FRMD3: variants seen among roughly 807,000 people sequenced by gnomAD.
FRMD3 encodes the protein FERM domain containing 3, also known as FERM domain-containing protein 3.
FRMD3 carries 33 observed loss-of-function variants against 70.2 expected under a neutral mutation model. That is an observed-to-expected ratio of 0.47 (90% CI 0.36 to 0.63). FRMD3 has a LOEUF of 0.63. FRMD3 is among the 20% of genes least tolerant of loss of function. The pLI is 0.00. For missense variants in FRMD3, 632 were observed against 711.4 expected (o/e 0.89, Z 1.27); for synonymous variants, 279 against 255.9 (o/e 1.09, Z -0.86).
At chr9:83,555,876 G>A in the FRMD3 span, among the ~76,000 whole-genome samples, 3 of 152,180 alleles carry the variant, frequency 2.0e-5, no homozygotes, top group Non-Finnish European at 4.4e-5. Context: ...TAACCCAAGG[G>A]TTGCAAAGAT....
chr9:83,286,317 T>A (rs913892481), intron 13 of FRMD3, among the ~76,000 whole-genome samples: 1 of 139,504 alleles, frequency 7.2e-6, no homozygotes, highest in Non-Finnish European at 1.5e-5. Context: ...TTTTAAAAAA[T>A]TTTTAATTAG....
rs148173218 is a variant in FRMD3, at chr9:83,438,827, C to A, written c.148-49119G>T. Among the ~76,000 whole-genome samples the A allele has an allele frequency of 1.6e-3, 239 of 152,310 alleles. 1 individual carries two copies. The highest frequency in any genetic ancestry group is 5.5e-3 in the African/African-American group (229 of 41,580). ...TCTTCCCTGCTGTGTGTGTTCTGTG[C>A]GTCCTACAGCTGAGAGGGCCATGAG... is the stretch of plus-strand genomic sequence containing the variant. On this transcript the variant is annotated intron_variant, in intron 1 of 13. Transcript: ENST00000304195.
At chr9:83,479,412 GAAGGATGA>G (rs1828479426) in intron 1 of FRMD3, among the ~76,000 whole-genome samples, 1 of 87,426 alleles carries the variant, frequency 1.1e-5, no homozygotes, top group Non-Finnish European at 2.3e-5. Flanking sequence ...GGGAGGGAGG[GAAGGATGA>G]AAGGAGGGAA....
chr9:83,272,948 C>A (rs1333039436), intron 13 of FRMD3, among the ~76,000 whole-genome samples: 1 of 150,504 alleles, frequency 6.6e-6, no homozygotes, highest in Non-Finnish European at 1.5e-5. Flanking sequence ...GCCCGGCAGC[C>A]GCCCCGTCTG....
chr9:83,354,071 C>A (rs563332191), intron 3 of FRMD3, among the ~76,000 whole-genome samples: 1 of 152,044 alleles, frequency 6.6e-6, no homozygotes, highest in Admixed American at 6.6e-5. Flanking sequence ...AATACAGGTA[C>A]CCACCACAAT....
chr9:83,260,621 C>G (rs1230932360), intron 13 of FRMD3, among the ~76,000 whole-genome samples: 1 of 152,138 alleles, frequency 6.6e-6, no homozygotes, highest in Non-Finnish European at 1.5e-5. Flanking sequence ...TAAGTAAGCT[C>G]TCCTGTGATG....
Position 83,389,676 on chromosome 9 carries a change from G to A in FRMD3, c.180C>T (p.His60=), listed in dbSNP as rs768436061. The part of the protein sequence containing the change: ...RETKGQFLID[H]ICNYYSLLEK... Reference sequence around the variant, plus strand: ...CCAGCAGGCTGTAGTAGTTGCAGATGTGGTCAATGAGAAACTGCCCTTTGG... The same window carrying A: ...CCAGCAGGCTGTAGTAGTTGCAGATATGGTCAATGAGAAACTGCCCTTTGG... The change falls in exon 2 of 14, where the codon CAC becomes CAT. Residue 60 remains histidine, a synonymous_variant. Transcript: ENST00000304195. 1.4e-5 allele frequency: 22 copies of A among 1,613,946 alleles called. No individual in the cohort carries two copies. Among genetic ancestry groups the A allele is most frequent in the Non-Finnish European group, 1.9e-5 (22 of 1,179,842 alleles).
chr9:83,515,145 A>G (rs902402744), intron 1 of FRMD3, among the ~76,000 whole-genome samples: 35 of 152,226 alleles, frequency 2.3e-4, no homozygotes, highest in African/African-American at 8.4e-4. Flanking sequence ...TAGGCTTCAG[A>G]AGGTGGTGAG....
Position 83,332,054 on chromosome 9 carries a change from A to G in FRMD3, c.596+3462T>C, listed in dbSNP as rs557428765. ...GTGACAATGGTGGGCGGAGCCCCCC[A>G]GCTGGCCTCTGGTGGGCACAGAGCA... On this transcript the variant is annotated intron_variant, in intron 6 of 13. Transcript: ENST00000304195. 6 of 619,636 alleles carry G rather than the reference A, an allele frequency of 9.7e-6. No individual in the cohort carries two copies. The South Asian group carries it at 1.2e-4, about 12-fold the overall frequency. 38.4% of individuals were successfully genotyped at this position (619,636 alleles called of 1,614,324 possible).
At chr9:83,318,121 C>A (rs1290223293) in intron 6 of FRMD3, among the ~76,000 whole-genome samples, 1 of 152,104 alleles carries the variant, frequency 6.6e-6, no homozygotes, top group Non-Finnish European at 1.5e-5. Flanking sequence ...TTTTTAATGT[C>A]TATTTTCTAT....
At chr9:83,529,473 G>T (rs923860103) in intron 1 of FRMD3, among the ~76,000 whole-genome samples, 3 of 152,096 alleles carry the variant, frequency 2.0e-5, no homozygotes, top group Non-Finnish European at 2.9e-5. Flanking sequence ...TTAAAATGAT[G>T]AATTTTATGG....
chr9:83,527,083 G>T (rs1829701088), intron 1 of FRMD3, among the ~76,000 whole-genome samples: 1 of 151,996 alleles, frequency 6.6e-6, no homozygotes, highest in Admixed American at 6.6e-5. Flanking sequence ...GGGCTTCCAG[G>T]CACTGCTGGC....
chr9:83,386,801 A>G (rs908705939), intron 2 of FRMD3, among the ~76,000 whole-genome samples: 1 of 152,224 alleles, frequency 6.6e-6, no homozygotes, highest in Non-Finnish European at 1.5e-5. Context: ...CTGTGAATCC[A>G]GTCTGTCCTT....
Position 83,326,844 on chromosome 9 carries a change from T to G in FRMD3, c.596+8672A>C, listed in dbSNP as rs186634381. On this transcript the variant is annotated intron_variant, in intron 6 of 13. Transcript: ENST00000304195. The stretch of plus-strand genomic sequence containing the variant: ...CAAAGAGCTAACAATTCTCCAAAGA[T>G]AGGCTTTTCTAATATATTAGATGAG... 7.7e-4 allele frequency among the ~76,000 whole-genome samples: 118 copies of G among 152,336 alleles called. 1 individual carries two copies. The highest frequency in any genetic ancestry group is 2.6e-3 in the African/African-American group (108 of 41,572).
chr9:83,300,062 C>G (rs181131565), intron 10 of FRMD3, among the ~76,000 whole-genome samples: 4 of 152,366 alleles, frequency 2.6e-5, no homozygotes, highest in Admixed American at 2.6e-4. Context: ...ATCTTAAACA[C>G]ACACAGACAA....
intron 3 of FRMD3, among the ~76,000 whole-genome samples, chr9:83,357,248 T>TATATATATATTTTATATATATATAATAC: frequency 3.1e-4 from 1 of 3,264 alleles, no homozygotes; most frequent in South Asian, 8.5e-3. Context: ...AATACATACA[T>TATATATATATTTTATATATATATAATAC]ATATATATAT....
intron 13 of FRMD3, among the ~76,000 whole-genome samples, chr9:83,271,632 TATG>T (rs1833554415): frequency 6.6e-6 from 1 of 152,200 alleles, no homozygotes; most frequent in Non-Finnish European, 1.5e-5. Context: ...AGTGTCAAAT[TATG>T]ATAACTTACA....
At chr9:83,402,531 A>G (rs955344355) in intron 1 of FRMD3, among the ~76,000 whole-genome samples, 15 of 152,102 alleles carry the variant, frequency 9.9e-5, no homozygotes, top group African/African-American at 3.4e-4. Context: ...TACCATTTAC[A>G]CAGTTAGCTA....
At chr9:83,308,146 G>A (rs1835211048) in intron 10 of FRMD3, among the ~76,000 whole-genome samples, 1 of 152,120 alleles carries the variant, frequency 6.6e-6, no homozygotes, top group African/African-American at 2.4e-5. Context: ...CAGGGCTGAT[G>A]GGTTTCCTGG....
Sources: allele counts gnomAD v4.1 joint callset (sites outside exome capture counted in the v4.1 genomes callset), GRCh38; gene constraint gnomAD v4.1.1; transcripts MANE v1.5; gene names NCBI Gene and HGNC (gene_info 2026-07-23, HGNC 2026-07-21).